The following VPS54 variants were observed in gnomAD, a reference collection of about 807,000 sequenced individuals.
VPS54 encodes VPS54 subunit of GARP complex.
A neutral mutation model predicts 121.5 loss-of-function variants in VPS54; 45 were observed. The observed-to-expected ratio is 0.37, with a 90% CI of 0.29 to 0.47. VPS54 has a LOEUF of 0.47. VPS54 is among the 20% of genes least tolerant of loss of function. VPS54 has a pLI of 0.99. For synonymous variants in VPS54, 371 were observed against 385.8 expected (o/e 0.96, Z 0.45); for missense variants, 1,090 against 1,131.4 (o/e 0.96, Z 0.52).
intron 3 of VPS54, among the ~76,000 whole-genome samples, chr2:63,976,823 C>CTTTTTTTTTTTTTTTTTTTTTT (rs1481086180): frequency 1.5e-5 from 1 of 68,040 alleles, no homozygotes; most frequent in Non-Finnish European, 2.9e-5. Context: ...CTTATATCTT[C>CTTTTTTTTTTTTTTTTTTTTTT]TCTTTTTTTT....
At chr2:64,016,420 A>G (rs1434496589) in intron 1 of VPS54, among the ~76,000 whole-genome samples, 5 of 152,194 alleles carry the variant, frequency 3.3e-5, no homozygotes, top group Non-Finnish European at 7.3e-5. Flanking sequence ...CATTATATGA[A>G]AGGCCCACAT....
intron 4 of VPS54, among the ~76,000 whole-genome samples, chr2:63,971,024 C>CA (rs1001800909): frequency 5.6e-4 from 85 of 152,168 alleles, no homozygotes; most frequent in African/African-American, 2.0e-3. Flanking sequence ...CCATCTCCCT[C>CA]AAAATTCCTC....
At chr2:64,011,835 G>T (rs1678445140) in intron 1 of VPS54, among the ~76,000 whole-genome samples, 1 of 151,936 alleles carries the variant, frequency 6.6e-6, no homozygotes, top group African/African-American at 2.4e-5. Context: ...CAGAGGTACT[G>T]AAGAATAAAT....
intron 1 of VPS54, among the ~76,000 whole-genome samples, chr2:64,005,346 G>A (rs1029812014): frequency 8.0e-5 from 12 of 149,730 alleles, no homozygotes; most frequent in East Asian, 5.9e-4. Flanking sequence ...CTTGTGATCC[G>A]CCCGCCTCGG....
chr2:64,015,585 G>C (rs1185908749), intron 1 of VPS54, among the ~76,000 whole-genome samples: 2 of 152,078 alleles, frequency 1.3e-5, no homozygotes, highest in Admixed American at 6.5e-5. Flanking sequence ...CAACATCCTT[G>C]GCCAATACCA....
chr2:63,928,059 G>C (rs1007613668), intron 12 of VPS54, among the ~76,000 whole-genome samples: 1 of 152,204 alleles, frequency 6.6e-6, no homozygotes, highest in Non-Finnish European at 1.5e-5. Flanking sequence ...AAAGTGATGG[G>C]AAGAGTGGAA....
At chr2:63,938,362 C>T (rs577761483) in intron 11 of VPS54, among the ~76,000 whole-genome samples, 5 of 152,156 alleles carry the variant, frequency 3.3e-5, no homozygotes, top group African/African-American at 1.2e-4. Context: ...AAAGAGATGA[C>T]AAATAGCCGA....
At chr2:63,951,354 G>A (rs1675233993) in intron 7 of VPS54, among the ~76,000 whole-genome samples, 1 of 151,844 alleles carries the variant, frequency 6.6e-6, no homozygotes. Flanking sequence ...AGTGAACTTA[G>A]TATGGGTCCC....
chr2:63,903,536 A>G (rs1672777481), intron 20 of VPS54, among the ~76,000 whole-genome samples: 1 of 152,196 alleles, frequency 6.6e-6, no homozygotes, highest in Non-Finnish European at 1.5e-5. Flanking sequence ...TCACTTTAAA[A>G]GATAACTGAT....
At chr2:63,916,361 T>C (rs975557473) in intron 16 of VPS54, among the ~76,000 whole-genome samples, 1 of 152,164 alleles carries the variant, frequency 6.6e-6, no homozygotes, top group Non-Finnish European at 1.5e-5. Context: ...GATACTTTTA[T>C]TGGTAAAAGA....
chr2:64,005,100 T>TTTTTTTTTTG (rs1678068800), intron 1 of VPS54, among the ~76,000 whole-genome samples: 1 of 98,374 alleles, frequency 1.0e-5, no homozygotes, highest in African/African-American at 4.2e-5. Context: ...TTTTTTTTTT[T>TTTTTTTTTTG]TTTTTTTTTT....
intron 1 of VPS54, among the ~76,000 whole-genome samples, chr2:64,013,661 G>GAT (rs199567924): frequency 6.4e-5 from 9 of 139,790 alleles, no homozygotes; most frequent in African/African-American, 2.1e-4. Flanking sequence ...GATATATATT[G>GAT]ATATATATAT....
In VPS54 at chr2:63,949,155, C is replaced by T; in HGVS notation, c.1019G>A (p.Gly340Glu). Residue 340 changes from glycine to glutamate, a missense_variant, in exon 8 of 23, where the codon GGA (glycine) becomes GAA (glutamate). Gly to Glu is a moderately conservative substitution (Grantham distance 98, BLOSUM62 -2). Around this residue, in one of 2 missense-constraint regions of VPS54, gnomAD observed 801 missense variants for 757.0 expected, o/e 1.06. Coordinates refer to ENST00000272322, the MANE Select transcript of VPS54 (RefSeq NM_016516.3). ...LQGIHSFRHL[G>E]SQLCELEKLI... Reference sequence around the variant, plus strand: ...TTTTTCTAATTCACAAAGCTGTGATCCCAAATGCCTAAAAAGGAAGAGAAA... The same window carrying T: ...TTTTTCTAATTCACAAAGCTGTGATTCCAAATGCCTAAAAAGGAAGAGAAA... 1 of 1,605,572 alleles carries T rather than the reference C, an allele frequency of 6.2e-7. No homozygotes were observed. The highest frequency in any genetic ancestry group is 1.1e-5 in the South Asian group (1 of 89,194).
At chr2:63,958,836 C>T (rs1458193313) in intron 7 of VPS54, among the ~76,000 whole-genome samples, 2 of 152,136 alleles carry the variant, frequency 1.3e-5, no homozygotes, top group Non-Finnish European at 2.9e-5. Context: ...GAGTCCTTTG[C>T]TTGTCCTACT....
intron 21 of VPS54, among the ~76,000 whole-genome samples, chr2:63,899,198 A>G (rs1452363347): frequency 6.6e-6 from 1 of 152,254 alleles, no homozygotes; most frequent in Non-Finnish European, 1.5e-5. Context: ...TGATGTAAGC[A>G]GAATCTGGGA....
chr2:64,013,019 T>C (rs1051595385), intron 1 of VPS54, among the ~76,000 whole-genome samples: 8 of 152,314 alleles, frequency 5.3e-5, no homozygotes, highest in African/African-American at 1.9e-4. Context: ...TAATGACTGA[T>C]TCAAGCAAGG....
rs772883825 is a variant in VPS54 at position 63,962,360 on chromosome 2, G to A, written c.708C>T (p.Thr236=). ...GGTAGTCCTGCAACTCGTGTTGAGA[G>A]GTCATTGCATGAAAAAATGCTTCTG... ...LRSEAFFHAM[T]SQHELQDYLR... The change falls in exon 7 of 23, where the codon ACC becomes ACT. Residue 236 remains threonine (T), a synonymous_variant. Transcript: ENST00000272322. 4.2e-5 allele frequency: 68 copies of A among 1,613,820 alleles called. No individual in the cohort carries two copies. The highest frequency in any genetic ancestry group is 5.8e-5 in the Non-Finnish European group (68 of 1,179,898).
chr2:63,970,302 T>G (rs968576236), intron 4 of VPS54, among the ~76,000 whole-genome samples: 1 of 145,440 alleles, frequency 6.9e-6, no homozygotes, highest in East Asian at 2.0e-4. Context: ...TAGATATATA[T>G]AGATATAGAT....
At chr2:63,953,242 G>A (rs564924935) in intron 7 of VPS54, among the ~76,000 whole-genome samples, 95 of 146,696 alleles carry the variant, frequency 6.5e-4, no homozygotes, top group African/African-American at 2.1e-3. Context: ...AGCAATTCTC[G>A]TGCCTCAGCC....
Sources: allele counts gnomAD v4.1 joint callset (sites outside exome capture counted in the v4.1 genomes callset), GRCh38; gene constraint gnomAD v4.1.1; regional missense constraint gnomAD v4.1.1; transcripts MANE v1.5; gene names NCBI Gene and HGNC (gene_info 2026-07-23, HGNC 2026-07-21).